The following LRFN5 variants were observed in gnomAD, a reference collection of about 807,000 sequenced individuals.
The protein encoded by LRFN5 is leucine rich repeat and fibronectin type III domain containing 5, also known as leucine-rich repeat and fibronectin type-III domain-containing protein 5.
Under a neutral mutation model 45.6 loss-of-function variants are expected in LRFN5, and 24 were observed. The ratio of observed to expected loss-of-function variants is 0.53; its 90% confidence interval spans 0.38 to 0.74. The LOEUF (loss-of-function observed/expected upper bound fraction) is 0.74. Ranked by LOEUF, LRFN5 falls within the 30% of genes least tolerant of loss-of-function variation. The probability of loss-of-function intolerance (pLI) is 0.00; values close to 1 mark genes in which losing one functional copy is unlikely to be tolerated. For missense variants in LRFN5, 776 were observed against 861.5 expected, an observed-to-expected ratio of 0.90 and a Z score of 1.24; for synonymous variants, 340 against 313.8, an observed-to-expected ratio of 1.08 and a Z score of -0.88.
chr14:41,614,544 T>G (rs1196411025), intron 1 of LRFN5, among the ~76,000 whole-genome samples: 2 of 152,050 alleles, frequency 1.3e-5, no homozygotes, highest in Admixed American at 1.3e-4. Context: ...AACTGAAACT[T>G]TTAGTTCTAT....
At chr14:41,649,020 T>A (rs926788911) in intron 1 of LRFN5, among the ~76,000 whole-genome samples, 1 of 152,064 alleles carries the variant, frequency 6.6e-6, no homozygotes, top group East Asian at 1.9e-4. Flanking sequence ...TCACCTGAGG[T>A]CAGGAGTTCA....
At chr14:41,639,970 T>A (rs1321147236) in intron 1 of LRFN5, among the ~76,000 whole-genome samples, 5 of 143,588 alleles carry the variant, frequency 3.5e-5, no homozygotes, top group Non-Finnish European at 3.0e-5. Context: ...TTTTTTTTTT[T>A]TTTTTTTTAT....
At chr14:41,736,920 T>C (rs1231770947) in intron 1 of LRFN5, among the ~76,000 whole-genome samples, 1 of 151,758 alleles carries the variant, frequency 6.6e-6, no homozygotes, top group African/African-American at 2.4e-5. Context: ...CTACCAGAGG[T>C]ACAAAGAGGA....
intron 2 of LRFN5, among the ~76,000 whole-genome samples, chr14:41,812,924 C>T (rs888548682): frequency 4.6e-5 from 7 of 151,976 alleles, no homozygotes; most frequent in Non-Finnish European, 7.4e-5. Flanking sequence ...GAAGTCATCA[C>T]GTTCCAGACT....
In LRFN5 at chr14:41,894,425, A is replaced by G. The variant is rs192153278; in HGVS notation, c.2098+2463A>G. ...TTTAATGTGATTTAATATATTTTTA[A>G]TATGATCATTTTTACAATATTTAAA... On this transcript the variant is annotated intron_variant, in intron 4 of 5. Transcript: ENST00000298119. 9.2e-3 allele frequency: 8,281 copies of G among 895,660 alleles called. 53 individuals are homozygous for G. Among genetic ancestry groups the G allele is most frequent in the Admixed American group, 0.013 (213 of 16,154 alleles). The allele number at this position is 895,660 out of a possible 1,614,324, so 55.5% of individuals were successfully genotyped here.
At chr14:41,829,542 A>G (rs1236615538) in intron 2 of LRFN5, among the ~76,000 whole-genome samples, 2 of 151,900 alleles carry the variant, frequency 1.3e-5, no homozygotes, top group Non-Finnish European at 2.9e-5. Flanking sequence ...CATATTATCC[A>G]GGTCTATTAA....
chr14:41,794,082 T>C (rs896102394), intron 2 of LRFN5, among the ~76,000 whole-genome samples: 2 of 152,012 alleles, frequency 1.3e-5, no homozygotes, highest in East Asian at 3.9e-4. Context: ...TCTGCCCATA[T>C]CAACTCATAT....
chr14:41,895,440 G>A (rs1225239433), intron 4 of LRFN5, among the ~76,000 whole-genome samples: 5 of 152,080 alleles, frequency 3.3e-5, no homozygotes, highest in African/African-American at 1.2e-4. Flanking sequence ...TCAGGCCAAC[G>A]TGGTGAAACC....
intron 1 of LRFN5, among the ~76,000 whole-genome samples, chr14:41,720,860 G>A (rs1171518003): frequency 6.6e-6 from 1 of 151,636 alleles, no homozygotes; most frequent in African/African-American, 2.4e-5. Context: ...ATATTCTCTT[G>A]TTGATAAGTG....
chr14:41,709,387 T>G (rs1173608978), intron 1 of LRFN5, among the ~76,000 whole-genome samples: 1 of 152,038 alleles, frequency 6.6e-6, no homozygotes, highest in Non-Finnish European at 1.5e-5. Context: ...GGACCCAGAC[T>G]TGGAATTCTG....
chr14:41,847,059 A>G (rs1018239937), intron 2 of LRFN5, among the ~76,000 whole-genome samples: 4 of 152,172 alleles, frequency 2.6e-5, no homozygotes, highest in Non-Finnish European at 5.9e-5. Flanking sequence ...GCCTACCATG[A>G]TATTAACCTT....
intron 1 of LRFN5, among the ~76,000 whole-genome samples, chr14:41,721,571 T>C (rs1318138422): frequency 6.6e-6 from 1 of 152,182 alleles, no homozygotes; most frequent in Non-Finnish European, 1.5e-5. Flanking sequence ...ATAGTGATAA[T>C]GAATTTCCTT....
intron 1 of LRFN5, among the ~76,000 whole-genome samples, chr14:41,754,413 T>G (rs970711991): frequency 1.1e-4 from 16 of 152,218 alleles, no homozygotes; most frequent in African/African-American, 3.9e-4. Flanking sequence ...TTTTGGTTCG[T>G]AAGCTATTAA....
intron 2 of LRFN5, among the ~76,000 whole-genome samples, chr14:41,876,638 G>GTAAACC (rs1030154032): frequency 6.6e-6 from 1 of 151,874 alleles, no homozygotes; most frequent in Non-Finnish European, 1.5e-5. Flanking sequence ...TAAAATATAG[G>GTAAACC]TTTACTGAGC....
chr14:41,781,556 AAGAG>A (rs1277026937), intron 2 of LRFN5, among the ~76,000 whole-genome samples: 2 of 100,936 alleles, frequency 2.0e-5, no homozygotes, highest in East Asian at 6.0e-4. Flanking sequence ...GGAGAAAAGA[AAGAG>A]AAAGAAAGAA....
intron 2 of LRFN5, among the ~76,000 whole-genome samples, chr14:41,884,255 A>T (rs1890487485): frequency 6.6e-6 from 1 of 152,198 alleles, no homozygotes; most frequent in Non-Finnish European, 1.5e-5. Flanking sequence ...TTCTGTATTT[A>T]TTCACTTCCA....
chr14:41,759,704 G>A (rs1885576463), intron 1 of LRFN5, among the ~76,000 whole-genome samples: 1 of 152,098 alleles, frequency 6.6e-6, no homozygotes, highest in South Asian at 2.1e-4. Context: ...GGTACCCAAA[G>A]CAAATAGCAA....
intron 1 of LRFN5, among the ~76,000 whole-genome samples, chr14:41,751,233 A>T (rs1414491951): frequency 6.6e-6 from 1 of 152,148 alleles, no homozygotes; most frequent in Non-Finnish European, 1.5e-5. Context: ...CCATTTCAGC[A>T]TGTAATCACT....
rs771067923 is a variant in LRFN5, at chr14:41,891,756, C to A, written c.1892C>A (p.Pro631His). The change falls in exon 4 of 6, where the codon CCT (proline) becomes CAT (histidine). Residue 631 changes from proline to histidine, a missense_variant. Physicochemically the swap from Pro to His is moderately conservative, Grantham distance 77. This residue lies in a region of LRFN5 where 465 missense variants were observed against 456.4 expected (regional missense o/e 1.02). Transcript: ENST00000298119. The part of the protein sequence containing the change: ...DSSTTTSALP[P>H]SWTSSTSVSQ... ...TCTACCACTACCTCTGCTTTGCCTC[C>A]TTCCTGGACTTCAAGCACTTCTGTG... is the stretch of plus-strand genomic sequence containing the variant. 6.2e-7 allele frequency: 1 copy of A among 1,614,158 alleles called. No homozygotes were observed. Among genetic ancestry groups the A allele is most frequent in the South Asian group, 1.1e-5 (1 of 91,084 alleles).
Sources: gnomAD v4.1 joint callset for allele counts (sites outside exome capture counted in the v4.1 genomes callset) on GRCh38, gnomAD v4.1.1 for gene constraint, gnomAD v4.1.1 regional missense constraint, MANE v1.5 for transcripts, NCBI Gene and HGNC (gene_info 2026-07-23, HGNC 2026-07-21) for gene names.